ZNF385D: variants seen among roughly 807,000 people sequenced by gnomAD.
ZNF385D encodes zinc finger protein 659.
A neutral mutation model predicts 35.8 loss-of-function variants in ZNF385D; 15 were observed. That is an observed-to-expected ratio of 0.42 (90% CI 0.28 to 0.64). ZNF385D has a LOEUF of 0.64. Among genes scored for constraint, ZNF385D ranks in the 30% least tolerant of loss-of-function variants. The pLI, the probability that ZNF385D is intolerant of heterozygous loss-of-function variation, is 0.23. For synonymous variants in ZNF385D, 212 were observed against 186.8 expected, an observed-to-expected ratio of 1.13 and a Z score of -1.10; for missense variants, 474 against 494.6, an observed-to-expected ratio of 0.96 and a Z score of 0.39.
In ZNF385D at chr3:22,142,105, G is replaced by A. The variant is rs74548800; in HGVS notation, c.325+26712C>T. Reference sequence around the variant, plus strand: ...ATTCTCAGGCACAAAGAGCTTGAAAGAACCTTGGAAAACACCCACACCTAA... The same window carrying A: ...ATTCTCAGGCACAAAGAGCTTGAAAAAACCTTGGAAAACACCCACACCTAA... On this transcript the variant is annotated intron_variant, in intron 3 of 5. Transcript: ENST00000494108. Among the ~76,000 whole-genome samples the A allele has an allele frequency of 8.1e-3, 1,231 of 152,300 alleles. 20 individuals carry two copies. Among genetic ancestry groups the A allele is most frequent in the African/African-American group, 0.028 (1,176 of 41,558 alleles).
intron 2 of ZNF385D, among the ~76,000 whole-genome samples, chr3:21,648,328 A>G (rs541709974): frequency 6.6e-6 from 1 of 152,226 alleles, no homozygotes; most frequent in Non-Finnish European, 1.5e-5. Flanking sequence ...GCCTTCTGCC[A>G]TGATTGTGGG....
chr3:22,370,830 T>C (rs1487891011), intron 2 of ZNF385D, among the ~76,000 whole-genome samples: 1 of 152,210 alleles, frequency 6.6e-6, no homozygotes, highest in African/African-American at 2.4e-5. Context: ...GGTGTTATTA[T>C]TATTAGGTAA....
At chr3:22,098,013 T>G (rs1701721285) in intron 3 of ZNF385D, among the ~76,000 whole-genome samples, 1 of 152,020 alleles carries the variant, frequency 6.6e-6, no homozygotes, top group Non-Finnish European at 1.5e-5. Context: ...CCACAAAGTT[T>G]GAAGCTACTA....
chr3:21,964,427 A>AG lies in ZNF385D; in HGVS notation c.325+204389_325+204390insC, dbSNP rs1559797013. ...GTCCTTTTTGTAAAAAAAAAAAAAA[A>AG]AAAAAGAAAAAAAAAAAAAGAAAAA... On this transcript the variant is annotated intron_variant, in intron 3 of 5. Coordinates refer to the ZNF385D transcript ENST00000494108. Among the ~76,000 whole-genome samples, 85 of 87,098 alleles carry AG rather than the reference A, an allele frequency of 9.8e-4. 1 individual carries two copies. Among genetic ancestry groups the AG allele is most frequent in the Non-Finnish European group, 1.0e-3 (53 of 51,590 alleles). 57.1% of individuals were successfully genotyped at this position (87,098 alleles called of 152,430 possible).
intron 2 of ZNF385D, among the ~76,000 whole-genome samples, chr3:22,183,020 G>C (rs79231552): frequency 6.6e-6 from 1 of 151,918 alleles, no homozygotes; most frequent in Non-Finnish European, 1.5e-5. Flanking sequence ...TAAAAAACTG[G>C]GTTTCTTAGA....
intron 3 of ZNF385D, among the ~76,000 whole-genome samples, chr3:21,895,426 A>G (rs1367847163): frequency 6.9e-6 from 1 of 144,548 alleles, no homozygotes; most frequent in African/African-American, 2.6e-5. Context: ...CTCTGGGTTC[A>G]AGTGATTCTC....
chr3:21,560,685 C>T (rs2062911598), intron 3 of ZNF385D, among the ~76,000 whole-genome samples: 3 of 152,308 alleles, frequency 2.0e-5, no homozygotes, highest in South Asian at 2.1e-4. Context: ...CTGGGAGATC[C>T]GCTGCTCTCT....
At chr3:22,216,259 T>C (rs1041618193) in intron 2 of ZNF385D, among the ~76,000 whole-genome samples, 3 of 152,132 alleles carry the variant, frequency 2.0e-5, no homozygotes, top group African/African-American at 7.2e-5. Context: ...ATAAATGTTT[T>C]GATTTAAAAT....
intron 3 of ZNF385D, among the ~76,000 whole-genome samples, chr3:21,522,066 G>T (rs528212966): frequency 2.0e-5 from 3 of 152,072 alleles, no homozygotes; most frequent in Non-Finnish European, 4.4e-5. Context: ...AATCAATTCG[G>T]TGCCCTGGCT....
chr3:21,839,237 A>G (rs1028592670), intron 3 of ZNF385D, among the ~76,000 whole-genome samples: 2 of 152,030 alleles, frequency 1.3e-5, no homozygotes, highest in Non-Finnish European at 2.9e-5. Flanking sequence ...GTATCATCAC[A>G]TAATTTTTAA....
intron 2 of ZNF385D, among the ~76,000 whole-genome samples, chr3:22,318,222 C>G (rs75053971): frequency 2.0e-5 from 3 of 151,788 alleles, no homozygotes; most frequent in Admixed American, 6.6e-5. Flanking sequence ...CAAATGGAAG[C>G]AAATAAAGAT....
At chr3:21,798,378 C>A (rs779428676) in intron 3 of ZNF385D, among the ~76,000 whole-genome samples, 4 of 152,118 alleles carry the variant, frequency 2.6e-5, no homozygotes, top group South Asian at 4.1e-4. Flanking sequence ...GAGGTCTGTA[C>A]GACTGAAGTC....
At position 22,366,607 on chromosome 3, in the gene ZNF385D, T is replaced by C. The variant is rs143523980; in HGVS notation, c.106+5843A>G. On this transcript the variant is annotated intron_variant, in intron 2 of 5. Coordinates refer to the ZNF385D transcript ENST00000494108. Reference sequence around the variant, plus strand: ...TTTTCACACATCTTGCATAATATTTTTTAAAAGATGATTGTGGTAGACAAA... The same window carrying C: ...TTTTCACACATCTTGCATAATATTTCTTAAAAGATGATTGTGGTAGACAAA... Among the ~76,000 whole-genome samples, 22 of 152,322 alleles carry C rather than the reference T, an allele frequency of 1.4e-4. 1 individual carries two copies. The East Asian group carries it at 4.2e-3, about 29-fold the overall frequency.
intron 2 of ZNF385D, among the ~76,000 whole-genome samples, chr3:22,340,866 C>A (rs1306595829): frequency 2.0e-5 from 3 of 152,186 alleles, no homozygotes; most frequent in Admixed American, 2.0e-4. Flanking sequence ...ATGTCAGCTT[C>A]AATTTCTATC....
chr3:21,589,727 T>C (rs1026495058), intron 2 of ZNF385D, among the ~76,000 whole-genome samples: 3 of 151,904 alleles, frequency 2.0e-5, no homozygotes, highest in Non-Finnish European at 4.4e-5. Flanking sequence ...AACATACCAA[T>C]AAACATAAAA....
chr3:21,835,594 T>C (rs1249327779), intron 3 of ZNF385D, among the ~76,000 whole-genome samples: 1 of 151,906 alleles, frequency 6.6e-6, no homozygotes, highest in Non-Finnish European at 1.5e-5. Flanking sequence ...TTAGCATATG[T>C]TCTAATAGAA....
intron 3 of ZNF385D, among the ~76,000 whole-genome samples, chr3:21,797,970 A>G (rs566428668): frequency 1.3e-5 from 2 of 152,210 alleles, no homozygotes; most frequent in Non-Finnish European, 2.9e-5. Flanking sequence ...AGTGTATTCA[A>G]ACCCATAAAA....
At chr3:22,092,281 G>A (rs1701373454) in intron 3 of ZNF385D, among the ~76,000 whole-genome samples, 1 of 152,152 alleles carries the variant, frequency 6.6e-6, no homozygotes, top group Non-Finnish European at 1.5e-5. Flanking sequence ...GAAATTGAAG[G>A]ATGAATGGGT....
rs34222360 is a variant in ZNF385D, at chr3:21,821,965, CA to C, written c.326-156938del. ...TGAATGACAGAGGAAGACCTTGTCT[CA>C]AAAAAAAAAAAAAAAAAAATTTAAA... On this transcript the variant is annotated intron_variant, in intron 3 of 5. Transcript: ENST00000494108. Among the ~76,000 whole-genome samples the C allele has an allele frequency of 5.4e-3, 581 of 108,462 alleles. 1 individual carries two copies. The highest frequency in any genetic ancestry group is 0.018 in the Middle Eastern group (4 of 220). 71.2% of individuals were successfully genotyped at this position (108,462 alleles called of 152,430 possible).
Sources: allele counts gnomAD v4.1 joint callset (sites outside exome capture counted in the v4.1 genomes callset), GRCh38; gene constraint gnomAD v4.1.1; transcripts MANE v1.5; gene names NCBI Gene and HGNC (gene_info 2026-07-23, HGNC 2026-07-21).